Variants in AGMO observed in about 807,000 individuals in gnomAD.
The protein encoded by AGMO is alkylglycerol monooxygenase.
Under a neutral mutation model 60.2 loss-of-function variants are expected in AGMO, and 75 were observed. The ratio of observed to expected loss-of-function variants is 1.25; its 90% CI spans 1.03 to 1.51. AGMO has a LOEUF of 1.51. Ranked by LOEUF, AGMO falls within the 40% of genes most tolerant of loss-of-function variation. The pLI, the probability that AGMO is intolerant of heterozygous loss-of-function variation, is 0.00. For synonymous variants in AGMO, 261 were observed against 177.1 expected (o/e 1.47, Z -3.76); for missense variants, 763 against 525.5 (o/e 1.45, Z -4.42).
At chr7:15,366,704 CAT>C (rs763263487) in intron 10 of AGMO, among the ~76,000 whole-genome samples, 63 of 152,094 alleles carry the variant, frequency 4.1e-4, no homozygotes, top group Admixed American at 1.6e-3. Context: ...CATATACACT[CAT>C]ATTTGATTCA....
At chr7:15,354,471 T>TAC (rs1297020147) in intron 12 of AGMO, among the ~76,000 whole-genome samples, 11 of 23,608 alleles carry the variant, frequency 4.7e-4, no homozygotes, top group Non-Finnish European at 5.0e-4. Context: ...CGTGTGTGTA[T>TAC]ACACACGTGT....
rs750645890 is a variant in AGMO at position 15,365,608 on chromosome 7, G to C, written c.1169C>G (p.Ala390Gly). ...GFLLDQRPKA[A>G]IMETLRCLMF... ...CAAGCAACGGAGAGTTTCCATAATA[G>C]CTGCCTTGGGTCTGAAATAAAATGT... Residue 390 changes from alanine (A) to glycine (G), a missense_variant, in exon 12 of 13, where the codon GCT becomes GGT. Physicochemically the swap from Ala to Gly is moderately conservative, Grantham distance 60. Transcript: ENST00000342526. 3.1e-6 allele frequency: 5 copies of C among 1,611,694 alleles called. No individual in the cohort carries two copies. Among genetic ancestry groups the C allele is most frequent in the Non-Finnish European group, 4.2e-6 (5 of 1,178,396 alleles).
chr7:15,439,546 C>A (rs1781493059), intron 3 of AGMO, among the ~76,000 whole-genome samples: 2 of 152,124 alleles, frequency 1.3e-5, no homozygotes, highest in Non-Finnish European at 2.9e-5. Context: ...GAAAGAAAAA[C>A]AGGGCTCATA....
chr7:15,459,598 T>TA (rs201069463), intron 3 of AGMO, among the ~76,000 whole-genome samples: 101 of 145,888 alleles, frequency 6.9e-4, no homozygotes, highest in Non-Finnish European at 1.3e-3. Context: ...TGTATGTGCG[T>TA]TTGTGTGTGT....
chr7:15,456,272 G>C (rs1781995926), intron 3 of AGMO, among the ~76,000 whole-genome samples: 1 of 152,036 alleles, frequency 6.6e-6, no homozygotes, highest in Non-Finnish European at 1.5e-5. Context: ...TAAGATGCTA[G>C]TATAATGTAA....
intron 12 of AGMO, among the ~76,000 whole-genome samples, chr7:15,356,156 A>AT (rs1782522692): frequency 1.3e-5 from 2 of 152,218 alleles, no homozygotes; most frequent in African/African-American, 4.8e-5. Flanking sequence ...CAGCTAAAGA[A>AT]TTTAAACAAG....
chr7:15,299,336 T>G (rs572861609), intron 12 of AGMO, among the ~76,000 whole-genome samples: 1 of 152,186 alleles, frequency 6.6e-6, no homozygotes, highest in Non-Finnish European at 1.5e-5. Context: ...TTTATACTTA[T>G]GTAATACTGG....
intron 12 of AGMO, among the ~76,000 whole-genome samples, chr7:15,308,153 C>A (rs1294154215): frequency 6.6e-6 from 1 of 152,068 alleles, no homozygotes; most frequent in Non-Finnish European, 1.5e-5. Context: ...TAAAGTATGT[C>A]TGTTCTAATT....
At chr7:15,513,956 T>C (rs1783744251) in intron 3 of AGMO, among the ~76,000 whole-genome samples, 1 of 152,176 alleles carries the variant, frequency 6.6e-6, no homozygotes, top group African/African-American at 2.4e-5. Flanking sequence ...CACTAAATAA[T>C]GGAAAACAAC....
intron 12 of AGMO, among the ~76,000 whole-genome samples, chr7:15,330,539 G>T (rs1781468419): frequency 6.6e-6 from 1 of 152,068 alleles, no homozygotes; most frequent in South Asian, 2.1e-4. Flanking sequence ...AAAGTTTTGA[G>T]ATTTTTGAGG....
intron 12 of AGMO, among the ~76,000 whole-genome samples, chr7:15,265,860 A>G (rs1783417055): frequency 6.6e-6 from 1 of 152,130 alleles, no homozygotes; most frequent in Non-Finnish European, 1.5e-5. Context: ...TCTTCACAAT[A>G]GCCAAAACAT....
intron 12 of AGMO, among the ~76,000 whole-genome samples, chr7:15,322,562 A>ATG (rs1428902716): frequency 3.5e-4 from 17 of 48,180 alleles, no homozygotes; most frequent in African/African-American, 1.7e-3. Flanking sequence ...ATATAAATAT[A>ATG]TAAATATATA....
In AGMO at chr7:15,531,537, C is replaced by A. The variant is rs577987590; in HGVS notation, c.409+13235G>T. Among the ~76,000 whole-genome samples, 30 of 27,804 alleles carry A rather than the reference C, an allele frequency of 1.1e-3. 4 individuals carry two copies. The highest frequency in any genetic ancestry group is 2.1e-3 in the South Asian group (2 of 960). The allele number at this position is 27,804 out of a possible 152,430, so 18.2% of individuals were successfully genotyped here. A position where few individuals can be genotyped will look rare whatever the true frequency, so the allele number is the denominator to read the frequency against. On this transcript the variant is annotated intron_variant, in intron 3 of 12. Transcript: ENST00000342526. ...TCTATATATATTCTATATATATTCT[C>A]TATATATATTCTATATATATATTCT... is the stretch of plus-strand genomic sequence containing the variant.
chr7:15,284,067 G>A (rs562108642), intron 12 of AGMO, among the ~76,000 whole-genome samples: 30 of 152,098 alleles, frequency 2.0e-4, no homozygotes, highest in African/African-American at 6.5e-4. Context: ...AAACCTCTGG[G>A]ATACAGCAAA....
intron 12 of AGMO, among the ~76,000 whole-genome samples, chr7:15,294,992 C>T (rs1223094398): frequency 1.3e-5 from 2 of 151,630 alleles, no homozygotes; most frequent in African/African-American, 4.8e-5. Flanking sequence ...AAACTAAAAT[C>T]TAATAGGGAA....
intron 12 of AGMO, among the ~76,000 whole-genome samples, chr7:15,218,548 T>TAA (rs56896486): frequency 0.2 from 30,714 of 151,610 alleles, 3,283 homozygotes; most frequent in South Asian, 0.33. Flanking sequence ...TCATTTCCTT[T>TAA]AAAAAAAATC....
chr7:15,478,084 G>A (rs1782644017), intron 3 of AGMO, among the ~76,000 whole-genome samples: 1 of 152,032 alleles, frequency 6.6e-6, no homozygotes, highest in South Asian at 2.1e-4. Context: ...ATCCACTCAG[G>A]AGTGTAAAAA....
intron 8 of AGMO, among the ~76,000 whole-genome samples, chr7:15,388,857 T>TAA (rs2128484411): frequency 6.6e-6 from 1 of 152,266 alleles, no homozygotes; most frequent in East Asian, 1.9e-4. Flanking sequence ...ACAATGTAAG[T>TAA]AAACATGTAG....
intron 3 of AGMO, among the ~76,000 whole-genome samples, chr7:15,540,537 T>C (rs1784599350): frequency 6.6e-6 from 1 of 152,110 alleles, no homozygotes; most frequent in African/African-American, 2.4e-5. Context: ...AAGTCTAGCA[T>C]CAAGTGAGCT....
Sources: allele counts gnomAD v4.1 joint callset (sites outside exome capture counted in the v4.1 genomes callset), GRCh38; gene constraint gnomAD v4.1.1; transcripts MANE v1.5; gene names NCBI Gene and HGNC (gene_info 2026-07-23, HGNC 2026-07-21).